COLGALT2: variants seen among roughly 807,000 people sequenced by gnomAD.
The protein encoded by COLGALT2 is procollagen galactosyltransferase 2.
A neutral mutation model predicts 73.4 loss-of-function variants in COLGALT2; 49 were observed. The observed-to-expected ratio is 0.67, with a 90% CI of 0.53 to 0.85. The LOEUF is 0.85. Ranked by LOEUF, COLGALT2 falls within the 40% of genes least tolerant of loss-of-function variation. The probability of loss-of-function intolerance (pLI) is 0.00; values close to 1 mark genes in which losing one functional copy is unlikely to be tolerated. For missense variants in COLGALT2, 722 were observed against 790.2 expected (o/e 0.91, Z 1.03); for synonymous variants, 295 against 307.6 (o/e 0.96, Z 0.43).
chr1:183,945,742 T>C (rs747187449), intron 8 of COLGALT2, 178 bp from the exon 9 acceptor site: 3 of 664,120 alleles, frequency 4.5e-6, no homozygotes, highest in Non-Finnish European at 7.5e-6. Flanking sequence ...TATTATGAGG[T>C]CTGGGAAGAC....
intron 1 of COLGALT2, among the ~76,000 whole-genome samples, chr1:183,990,168 G>A (rs1431125390): frequency 6.6e-6 from 1 of 152,180 alleles, no homozygotes; most frequent in Non-Finnish European, 1.5e-5. Context: ...CTGAGTCTAT[G>A]ACTGTCCGGC....
chr1:184,009,627 T>C (rs574072458), intron 1 of COLGALT2, among the ~76,000 whole-genome samples: 93 of 152,318 alleles, frequency 6.1e-4, no homozygotes, highest in African/African-American at 2.1e-3. Flanking sequence ...TATGAGTAGA[T>C]CATCTTGGGG....
intron 5 of COLGALT2, among the ~76,000 whole-genome samples, chr1:183,968,848 A>G (rs887306255): frequency 6.6e-6 from 1 of 152,210 alleles, no homozygotes; most frequent in African/African-American, 2.4e-5. Flanking sequence ...AAGCCACTAC[A>G]GCAGCTCAGA....
Position 183,935,867 on chromosome 1 carries a change from G to T in COLGALT2, c.*2894C>A. The T allele has an allele frequency of 1.0e-6, 1 of 985,412 alleles. No homozygotes were observed. The allele number at this position is 985,412 out of a possible 1,614,324, so 61.0% of individuals were successfully genotyped here. On this transcript the variant is annotated 3_prime_UTR_variant, in exon 12 of 12. Transcript: ENST00000361927. ...AAGTTTTTTTTTAATTTTTCACAAA[G>T]AGCTCCAGAAGGCAAATAGTTTATC... is the stretch of plus-strand genomic sequence containing the variant.
At chr1:183,943,100 G>A (rs1488913454) in intron 10 of COLGALT2, among the ~76,000 whole-genome samples, 1 of 152,254 alleles carries the variant, frequency 6.6e-6, no homozygotes, top group African/African-American at 2.4e-5. Context: ...GGACTGTGCA[G>A]AATGCCAAAC....
intron 1 of COLGALT2, among the ~76,000 whole-genome samples, chr1:184,005,789 C>T (rs1283211881): frequency 6.6e-6 from 1 of 152,176 alleles, no homozygotes; most frequent in African/African-American, 2.4e-5. Context: ...CTGGGCCTGT[C>T]TCATGAGTTC....
At chr1:184,025,373 A>C (rs1046680748) in intron 1 of COLGALT2, among the ~76,000 whole-genome samples, 17 of 152,262 alleles carry the variant, frequency 1.1e-4, no homozygotes, top group African/African-American at 4.1e-4. Context: ...AAGTAACATC[A>C]GAAATTCAAT....
intron 6 of COLGALT2, among the ~76,000 whole-genome samples, chr1:183,963,042 A>G (rs1324605404): frequency 1.3e-5 from 2 of 152,148 alleles, no homozygotes; most frequent in Non-Finnish European, 2.9e-5. Context: ...TTGGGAAGCC[A>G]TTTCAACATC....
intron 5 of COLGALT2, 27 bp downstream of exon 5, chr1:183,969,241 TG>T: frequency 6.4e-7 from 1 of 1,573,670 alleles, no homozygotes; most frequent in Non-Finnish European, 8.7e-7. Context: ...GTCTCCATTG[TG>T]GCACTACAAC....
chr1:183,945,605 G>A, intron 8 of COLGALT2, 41 bp from the exon 9 acceptor site: 2 of 1,609,786 alleles, frequency 1.2e-6, no homozygotes, highest in East Asian at 2.2e-5. Context: ...ACAAGTCAAA[G>A]GTCCCCACCA....
chr1:184,000,403 T>C (rs1018950810), intron 1 of COLGALT2, among the ~76,000 whole-genome samples: 1 of 152,078 alleles, frequency 6.6e-6, no homozygotes, highest in African/African-American at 2.4e-5. Context: ...AAGATGTGTA[T>C]ATCTAACTTG....
chr1:184,008,076 T>G (rs1672131245), intron 1 of COLGALT2, among the ~76,000 whole-genome samples: 1 of 152,124 alleles, frequency 6.6e-6, no homozygotes, highest in African/African-American at 2.4e-5. Flanking sequence ...TGGAAATACA[T>G]TAACCAAGTG....
At chr1:183,982,638 G>A (rs1291918160) in intron 1 of COLGALT2, among the ~76,000 whole-genome samples, 1 of 152,156 alleles carries the variant, frequency 6.6e-6, no homozygotes, top group Non-Finnish European at 1.5e-5. Flanking sequence ...AACGGCATAA[G>A]AGAATTTGCC....
intron 1 of COLGALT2, among the ~76,000 whole-genome samples, chr1:183,981,091 T>C (rs950691791): frequency 2.6e-5 from 4 of 152,068 alleles, no homozygotes; most frequent in Admixed American, 2.6e-4. Flanking sequence ...ATAAATGACA[T>C]AGGGAGCCCA....
intron 1 of COLGALT2, among the ~76,000 whole-genome samples, chr1:184,036,293 C>G (rs1235253435): frequency 1.3e-5 from 2 of 152,244 alleles, no homozygotes; most frequent in Non-Finnish European, 2.9e-5. Flanking sequence ...GGCGGGCAGG[C>G]ACCCGCACTT....
intron 8 of COLGALT2, 78 bp from the exon 9 acceptor site, chr1:183,945,642 T>G: frequency 2.6e-6 from 4 of 1,510,454 alleles, no homozygotes; most frequent in Non-Finnish European, 3.6e-6. Flanking sequence ...AGAGAGTTAG[T>G]TCTGCAAACA....
chr1:183,972,672 C>A (rs999144202), intron 4 of COLGALT2, among the ~76,000 whole-genome samples: 4 of 150,512 alleles, frequency 2.7e-5, no homozygotes, highest in African/African-American at 7.3e-5. Flanking sequence ...CAACATACAT[C>A]GAAGGTCATT....
chr1:184,000,620 T>C (rs1318961195), intron 1 of COLGALT2, among the ~76,000 whole-genome samples: 4 of 151,948 alleles, frequency 2.6e-5, no homozygotes, highest in Non-Finnish European at 5.9e-5. Flanking sequence ...GTGTTTAACA[T>C]TTTCTTTGTT....
At chr1:183,980,139 T>TGC (rs1671308266) in intron 1 of COLGALT2, among the ~76,000 whole-genome samples, 2 of 151,946 alleles carry the variant, frequency 1.3e-5, no homozygotes, top group Non-Finnish European at 2.9e-5. Context: ...AAAATTCAGT[T>TGC]TTATATGCTT....
Sources: gnomAD v4.1 joint callset for allele counts (sites outside exome capture counted in the v4.1 genomes callset) on GRCh38, gnomAD v4.1.1 for gene constraint, MANE v1.5 for transcripts, NCBI Gene and HGNC (gene_info 2026-07-23, HGNC 2026-07-21) for gene names.